The following ATRNL1 variants were observed in gnomAD, a reference collection of about 807,000 sequenced individuals.
The protein encoded by ATRNL1 is attractin like 1, also known as attractin-like protein 1.
Under a neutral mutation model 182.7 loss-of-function variants are expected in ATRNL1, and 95 were observed. The ratio of observed to expected loss-of-function variants is 0.52; its 90% confidence interval spans 0.44 to 0.62. ATRNL1 has a LOEUF of 0.62. ATRNL1 is among the 20% of genes least tolerant of loss of function. The pLI is 0.00. For missense variants in ATRNL1, 1,471 were observed against 1,679.5 expected (o/e 0.88, Z 2.17); for synonymous variants, 576 against 568.3 (o/e 1.01, Z -0.19).
chr10:115,549,224 A>C (rs1249624541), intron 25 of ATRNL1, among the ~76,000 whole-genome samples: 2 of 152,088 alleles, frequency 1.3e-5, no homozygotes, highest in East Asian at 3.9e-4. Context: ...TCTGACAGAG[A>C]AAATTCTAAA....
intron 26 of ATRNL1, among the ~76,000 whole-genome samples, chr10:115,594,696 G>C (rs1856122968): frequency 6.6e-6 from 1 of 152,114 alleles, no homozygotes; most frequent in South Asian, 2.1e-4. Context: ...ATGGAGATGA[G>C]GTTTCCTCAT....
chr10:115,330,463 T>C (rs1287269891), intron 18 of ATRNL1, among the ~76,000 whole-genome samples: 1 of 152,116 alleles, frequency 6.6e-6, no homozygotes, highest in Admixed American at 6.5e-5. Flanking sequence ...TTTTGTAATG[T>C]AGTTCTGGTT....
chr10:115,867,714 T>G (rs963279029), intron 28 of ATRNL1, among the ~76,000 whole-genome samples: 1 of 149,640 alleles, frequency 6.7e-6, no homozygotes, highest in Non-Finnish European at 1.5e-5. Flanking sequence ...GTGTTTGGAA[T>G]GTGGCCACCC....
chr10:115,805,962 T>G (rs1354433783), intron 27 of ATRNL1, among the ~76,000 whole-genome samples: 1 of 152,144 alleles, frequency 6.6e-6, no homozygotes, highest in Non-Finnish European at 1.5e-5. Context: ...CAGAAACATT[T>G]AAAAGTTTTA....
At chr10:115,759,841 A>ATTTTTTTTTTTTTTTTTTTTTTTTTTTTT (rs58578796) in intron 27 of ATRNL1, among the ~76,000 whole-genome samples, 2 of 62,698 alleles carry the variant, frequency 3.2e-5, no homozygotes, top group South Asian at 8.9e-4. Flanking sequence ...ACACCTGGCT[A>ATTTTTTTTTTTTTTTTTTTTTTTTTTTTT]TTTTTTTTTT....
intron 21 of ATRNL1, among the ~76,000 whole-genome samples, chr10:115,458,730 C>T (rs976952784): frequency 6.6e-6 from 1 of 152,034 alleles, no homozygotes; most frequent in Non-Finnish European, 1.5e-5. Flanking sequence ...TCCAAAAGGG[C>T]ATTTATTTCC....
At position 115,624,718 on chromosome 10, in the gene ATRNL1, G is replaced by A. The variant is rs376678165; in HGVS notation, c.3795+75182G>A. ...TCCCCCACTGTTTGGACAGCTGACT[G>A]TTAAACATTTACTACCACACTACTG... is the stretch of plus-strand genomic sequence containing the variant. On this transcript the variant is annotated intron_variant, in intron 26 of 28. Transcript: ENST00000355044. Among the ~76,000 whole-genome samples, 21 of 152,218 alleles carry A rather than the reference G, an allele frequency of 1.4e-4. No homozygotes were observed. The East Asian group carries it at 3.1e-3, about 22-fold the overall frequency.
intron 26 of ATRNL1, among the ~76,000 whole-genome samples, chr10:115,673,887 C>A (rs895888135): frequency 1.3e-5 from 2 of 151,978 alleles, no homozygotes; most frequent in South Asian, 4.1e-4. Flanking sequence ...GTGTACTGTT[C>A]TGGAACACTG....
At chr10:115,727,130 C>T (rs1947623535) in intron 26 of ATRNL1, 118 bp from the exon 27 acceptor site, 1 of 686,416 alleles carries the variant, frequency 1.5e-6, no homozygotes, top group Non-Finnish European at 2.5e-6. Flanking sequence ...ATATGGATAT[C>T]TGTATAAAAT....
intron 27 of ATRNL1, among the ~76,000 whole-genome samples, chr10:115,772,591 C>T (rs1416013866): frequency 7.7e-6 from 1 of 130,556 alleles, no homozygotes; most frequent in Non-Finnish European, 1.7e-5. Context: ...AAAATATATA[C>T]TCTGTCTGTG....
intron 26 of ATRNL1, among the ~76,000 whole-genome samples, chr10:115,656,446 A>G (rs1555035923): frequency 1.3e-5 from 2 of 152,084 alleles, no homozygotes; most frequent in African/African-American, 4.8e-5. Flanking sequence ...AAAGATGTGC[A>G]TGTTAGGTTC....
chr10:115,362,027 A>G (rs1395656063), intron 19 of ATRNL1, among the ~76,000 whole-genome samples: 1 of 152,090 alleles, frequency 6.6e-6, no homozygotes, highest in African/African-American at 2.4e-5. Context: ...TATCCTAAAT[A>G]AACAAAGTAA....
intron 28 of ATRNL1, among the ~76,000 whole-genome samples, chr10:115,921,227 G>T (rs1243821930): frequency 1.3e-5 from 2 of 152,090 alleles, no homozygotes; most frequent in African/African-American, 2.4e-5. Context: ...GGACTAAAAG[G>T]GGTGGTTTAA....
At chr10:115,900,060 C>A (rs1952312176) in intron 28 of ATRNL1, among the ~76,000 whole-genome samples, 1 of 152,130 alleles carries the variant, frequency 6.6e-6, no homozygotes, top group African/African-American at 2.4e-5. Context: ...TGGCATAATA[C>A]AAGTATGTGA....
chr10:115,849,241 C>G (rs879951276), intron 28 of ATRNL1, among the ~76,000 whole-genome samples: 5 of 152,092 alleles, frequency 3.3e-5, no homozygotes, highest in Non-Finnish European at 7.4e-5. Context: ...GAGTGAATGT[C>G]TTGTTCTTTT....
intron 8 of ATRNL1, among the ~76,000 whole-genome samples, chr10:115,198,886 T>A (rs2144285481): frequency 6.6e-6 from 1 of 152,306 alleles, no homozygotes; most frequent in Admixed American, 6.5e-5. Context: ...GCCTGTACAA[T>A]GTTGTTTTCA....
intron 27 of ATRNL1, among the ~76,000 whole-genome samples, chr10:115,737,294 G>A (rs1947983779): frequency 6.6e-6 from 1 of 150,802 alleles, no homozygotes; most frequent in Non-Finnish European, 1.5e-5. Flanking sequence ...AAAAAAGGCT[G>A]GGCATGGTGG....
At chr10:115,876,853 G>C (rs1242037749) in intron 28 of ATRNL1, among the ~76,000 whole-genome samples, 3 of 152,160 alleles carry the variant, frequency 2.0e-5, no homozygotes, top group Non-Finnish European at 4.4e-5. Flanking sequence ...TTTAATCAGA[G>C]AAATGTTGTG....
At chr10:115,578,373 A>G (rs527758956) in intron 26 of ATRNL1, among the ~76,000 whole-genome samples, 29 of 151,902 alleles carry the variant, frequency 1.9e-4, no homozygotes, top group African/African-American at 6.7e-4. Flanking sequence ...CTGTAAATTC[A>G]TCTGATCCTA....
Sources: allele counts gnomAD v4.1 joint callset (sites outside exome capture counted in the v4.1 genomes callset), GRCh38; gene constraint gnomAD v4.1.1; transcripts MANE v1.5; gene names NCBI Gene and HGNC (gene_info 2026-07-23, HGNC 2026-07-21).